The following KIAA0825 variants were observed in gnomAD, a reference collection of about 807,000 sequenced individuals.
KIAA0825 encodes KIAA0825.
A neutral mutation model predicts 147.6 loss-of-function variants in KIAA0825; 119 were observed. The observed-to-expected ratio is 0.81, with a 90% CI of 0.69 to 0.94. KIAA0825 has a LOEUF of 0.94. KIAA0825 is among the 40% of genes least tolerant of loss of function. KIAA0825 has a pLI of 0.00. For synonymous variants in KIAA0825, 470 were observed against 518.1 expected (o/e 0.91, Z 1.26); for missense variants, 1,381 against 1,472.7 (o/e 0.94, Z 1.02).
chr5:94,569,838 G>A (rs1415571684), intron 2 of KIAA0825: 8 of 177,858 alleles, frequency 4.5e-5, no homozygotes, highest in Middle Eastern at 2.2e-3. Context: ...CACATCGGCC[G>A]AGGCTTATAC....
At chr5:94,565,905 T>C (rs1778626890) in intron 2 of KIAA0825, among the ~76,000 whole-genome samples, 1 of 152,206 alleles carries the variant, frequency 6.6e-6, no homozygotes, top group Non-Finnish European at 1.5e-5. Flanking sequence ...AATGAAACTT[T>C]ATCCTTTGAC....
chr5:94,430,269 G>C (rs1755490821), intron 14 of KIAA0825, among the ~76,000 whole-genome samples: 1 of 152,144 alleles, frequency 6.6e-6, no homozygotes. Flanking sequence ...CATTTTATTT[G>C]CAGTCTAAAA....
intron 20 of KIAA0825, among the ~76,000 whole-genome samples, chr5:94,182,623 TC>T (rs1769765777): frequency 6.6e-6 from 1 of 152,080 alleles, no homozygotes; most frequent in Admixed American, 6.6e-5. Context: ...GCCTCCTTCT[TC>T]CCCTAAGCAA....
At chr5:94,183,287 A>G (rs1319147071) in intron 20 of KIAA0825, among the ~76,000 whole-genome samples, 1 of 152,210 alleles carries the variant, frequency 6.6e-6, no homozygotes, top group Non-Finnish European at 1.5e-5. Context: ...GTGACATAAG[A>G]AGAGATGTAT....
intron 2 of KIAA0825, among the ~76,000 whole-genome samples, chr5:94,540,572 T>C (rs1486475003): frequency 6.6e-6 from 1 of 152,218 alleles, no homozygotes; most frequent in Non-Finnish European, 1.5e-5. Context: ...TTGTGTGTGA[T>C]GTTTATATGT....
chr5:94,466,736 CAAAAAAAA>C (rs56785201), intron 10 of KIAA0825, among the ~76,000 whole-genome samples: 18,027 of 61,232 alleles, frequency 0.29, 1,187 homozygotes, highest in East Asian at 0.37. Flanking sequence ...GACTGTGTCT[CAAAAAAAA>C]AAAAAAAAAA....
chr5:94,332,120 C>T (rs533483658), intron 20 of KIAA0825, among the ~76,000 whole-genome samples: 3 of 145,048 alleles, frequency 2.1e-5, no homozygotes, highest in African/African-American at 7.6e-5. Flanking sequence ...AAGATTATGC[C>T]ACTGCACTCC....
At chr5:94,583,500 C>T (rs114269085) in intron 1 of KIAA0825, among the ~76,000 whole-genome samples, 229 of 152,280 alleles carry the variant, frequency 1.5e-3, no homozygotes, top group African/African-American at 5.3e-3. Context: ...TCTATGCTCA[C>T]AGTGCAAACA....
chr5:94,589,485 A>C lies in KIAA0825; in HGVS notation c.-152-6902T>G, dbSNP rs542605539. On this transcript the variant is annotated intron_variant, in intron 1 of 20. Transcript: ENST00000682413. Reference sequence around the variant, plus strand: ...TAGGAATTTGACAGAGAATGCTTTGAATCTCTATCAAAGTTGGGCAAATGT... The same window carrying C: ...TAGGAATTTGACAGAGAATGCTTTGCATCTCTATCAAAGTTGGGCAAATGT... 3.3e-5 allele frequency among the ~76,000 whole-genome samples: 5 copies of C among 152,332 alleles called. No individual in the cohort carries two copies. The East Asian group carries it at 9.7e-4, about 29-fold the overall frequency.
chr5:94,200,433 C>T (rs2150021438), intron 20 of KIAA0825, among the ~76,000 whole-genome samples: 1 of 152,258 alleles, frequency 6.6e-6, no homozygotes, highest in South Asian at 2.1e-4. Context: ...CTCAGAGTGT[C>T]AGTCTACTTG....
chr5:94,462,499 G>T lies in KIAA0825; in HGVS notation c.2134C>A (p.Leu712Ile), dbSNP rs570521743. The change falls in exon 12 of 21, where the codon CTT becomes ATT. Residue 712 changes from leucine to isoleucine, a missense_variant. Transcript: ENST00000682413. The part of the protein sequence containing the change: ...LWSVCTSVQK[L>I]LNPHQHTDDK... ...TCTGTATGCTGATGAGGATTCAAAAGTTTCTGTACAGATGTACAAACTGAC... is the reference window on the plus strand; with the variant it reads ...TCTGTATGCTGATGAGGATTCAAAATTTTCTGTACAGATGTACAAACTGAC... The T allele has an allele frequency of 3.2e-6, 5 of 1,545,698 alleles. No homozygotes were observed. The Admixed American group carries it at 7.9e-5, about 24-fold the overall frequency.
rs1179311015 is a variant in KIAA0825 at position 94,152,821 on chromosome 5, GAAAAAAAAAAAAAAAAAAA to G, written c.*1167_*1185del. 2 of 2,000 alleles carry G rather than the reference GAAAAAAAAAAAAAAAAAAA, an allele frequency of 1.0e-3. No individual in the cohort carries two copies. The highest frequency in any genetic ancestry group is 2.2e-3 in the African/African-American group (1 of 462). The allele number at this position is 2,000 out of a possible 1,614,324, so 0.1% of individuals were successfully genotyped here. A position where few individuals can be genotyped will look rare whatever the true frequency, so the allele number is the denominator to read the frequency against. ...CAGAGCAAGACCCTGTTTCTAAAAT[GAAAAAAAAAAAAAAAAAAA>G]AAAAAAAAAAAAAAATTATATATAT... On this transcript the variant is annotated 3_prime_UTR_variant, in exon 21 of 21. Coordinates refer to ENST00000682413, the MANE Select transcript of KIAA0825 (RefSeq NM_001145678.3).
intron 2 of KIAA0825, among the ~76,000 whole-genome samples, chr5:94,554,743 T>G (rs912327005): frequency 2.2e-5 from 3 of 134,828 alleles, no homozygotes; most frequent in African/African-American, 8.7e-5. Flanking sequence ...TATATATATA[T>G]ATATATATAT....
At chr5:94,198,377 G>C (rs1346077864) in intron 20 of KIAA0825, among the ~76,000 whole-genome samples, 1 of 151,932 alleles carries the variant, frequency 6.6e-6, no homozygotes, top group Non-Finnish European at 1.5e-5. Flanking sequence ...TGTTTTCTAG[G>C]GGTAGAATCA....
At chr5:94,349,519 A>G (rs991555292) in intron 20 of KIAA0825, among the ~76,000 whole-genome samples, 2 of 152,234 alleles carry the variant, frequency 1.3e-5, no homozygotes, top group Non-Finnish European at 2.9e-5. Context: ...TCCAAGATAG[A>G]CCATATGATA....
At chr5:94,256,612 T>C (rs1460215514) in intron 20 of KIAA0825, among the ~76,000 whole-genome samples, 2 of 152,270 alleles carry the variant, frequency 1.3e-5, no homozygotes, top group East Asian at 1.9e-4. Flanking sequence ...TATTAATAAA[T>C]TCGTGTTTGA....
chr5:94,304,516 G>A (rs954837391), intron 20 of KIAA0825, among the ~76,000 whole-genome samples: 2 of 151,942 alleles, frequency 1.3e-5, no homozygotes, highest in African/African-American at 2.4e-5. Flanking sequence ...AAGACTCGCC[G>A]AATCTCATTT....
chr5:94,205,066 T>C (rs1172976632), intron 20 of KIAA0825, among the ~76,000 whole-genome samples: 2 of 151,912 alleles, frequency 1.3e-5, no homozygotes, highest in African/African-American at 4.8e-5. Context: ...ATGAAAGAAC[T>C]GTAAGTGGCT....
chr5:94,365,696 A>G (rs1447926932), intron 20 of KIAA0825, among the ~76,000 whole-genome samples: 2 of 152,220 alleles, frequency 1.3e-5, no homozygotes, highest in African/African-American at 4.8e-5. Context: ...TAACTTTGGG[A>G]GGAACTTAGT....
Sources: allele counts gnomAD v4.1 joint callset (sites outside exome capture counted in the v4.1 genomes callset), GRCh38; gene constraint gnomAD v4.1.1; transcripts MANE v1.5; gene names NCBI Gene and HGNC (gene_info 2026-07-23, HGNC 2026-07-21).